ELFN1: variants seen among roughly 807,000 people sequenced by gnomAD.
ELFN1 encodes extracellular leucine rich repeat and fibronectin type III domain containing 1, also known as protein ELFN1.
Under a neutral mutation model 7.6 loss-of-function variants are expected in ELFN1, and 6 were observed. The ratio of observed to expected loss-of-function variants is 0.79; its 90% confidence interval spans 0.43 to 1.56. The LOEUF (loss-of-function observed/expected upper bound fraction) is 1.56. Ranked by LOEUF, ELFN1 falls within the 40% of genes most tolerant of loss-of-function variation. The probability of loss-of-function intolerance (pLI) is 0.01; values close to 1 mark genes in which losing one functional copy is unlikely to be tolerated. For missense variants in ELFN1, 1,169 were observed against 1,232.2 expected, an observed-to-expected ratio of 0.95 and a Z score of 0.77; for synonymous variants, 657 against 588.1, an observed-to-expected ratio of 1.12 and a Z score of -1.70.
At chr7:1,686,841 C>G (rs1379703043) in intron 1 of ELFN1, among the ~76,000 whole-genome samples, 1 of 152,160 alleles carries the variant, frequency 6.6e-6, no homozygotes, top group Non-Finnish European at 1.5e-5. Context: ...TATCAGGTAT[C>G]TCTATGACTG....
Position 1,739,359 on chromosome 7 carries a change from G to A in ELFN1, c.-293-4945G>A, listed in dbSNP as rs1254848094. The A allele has an allele frequency of 6.6e-6, 1 of 152,498 alleles. No individual in the cohort carries two copies. The highest frequency in any genetic ancestry group is 6.5e-5 in the Admixed American group (1 of 15,274). 9.4% of individuals were successfully genotyped at this position (152,498 alleles called of 1,614,324 possible). A position where few individuals can be genotyped will look rare whatever the true frequency, so the allele number is the denominator to read the frequency against. The stretch of plus-strand genomic sequence containing the variant: ...TGCTGCTGGAGTTGGACCAGGTGTG[G>A]GGGGAGGAAAGAGAGGAGTCCAGAA... On this transcript the variant is annotated intron_variant, in intron 3 of 3. Transcript: ENST00000424383. This position sits in a 1 kb window ranked among gnomAD's most constrained non-coding sequence, Gnocchi z 4.6.
rs561752726 is a variant in ELFN1 at position 1,674,420 on chromosome 7, C to T, written c.-549+4066C>T. On this transcript the variant is annotated intron_variant, in intron 1 of 3. Coordinates refer to ENST00000424383, the MANE Select transcript of ELFN1 (RefSeq NM_001128636.4). The stretch of plus-strand genomic sequence containing the variant: ...CCAGCAGTTAGTTCCTCAGGACTCA[C>T]GGCTTCCAGGCTCCCCTCGCCTGTG... Among the ~76,000 whole-genome samples, 11 of 152,314 alleles carry T rather than the reference C, an allele frequency of 7.2e-5. No homozygotes were observed. In the East Asian group the frequency reaches 1.5e-3, roughly 21 times the overall value.
upstream of ELFN1, among the ~76,000 whole-genome samples, chr7:1,670,081 C>G (rs2128571993): frequency 6.6e-6 from 1 of 150,492 alleles, no homozygotes; most frequent in Admixed American, 6.6e-5. This position sits in a 1 kb window ranked among gnomAD's most constrained non-coding sequence, Gnocchi z 6.4. Flanking sequence ...AGGCTCCGAG[C>G]CGGACTCGCG....
chr7:1,696,397 T>C (rs1030054691), intron 2 of ELFN1, among the ~76,000 whole-genome samples: 9 of 150,034 alleles, frequency 6.0e-5, no homozygotes, highest in East Asian at 1.9e-4. Flanking sequence ...TCTTTCTTTT[T>C]TTTTTTTTTT....
rs113308645 is a variant in ELFN1 at position 1,671,170 on chromosome 7, G to GCCCCCC, written c.-549+822_-549+827dup. Among the ~76,000 whole-genome samples, 4 of 138,258 alleles carry GCCCCCC rather than the reference G, an allele frequency of 2.9e-5. 1 individual carries two copies. Among genetic ancestry groups the GCCCCCC allele is most frequent in the East Asian group, 3.1e-4 (1 of 3,222 alleles). The allele number at this position is 138,258 out of a possible 152,430, so 90.7% of individuals were successfully genotyped here. A position where few individuals can be genotyped will look rare whatever the true frequency, so the allele number is the denominator to read the frequency against. ...GGCACTGCCTGCCGTACCGCACACCGCCCCCCCCCCCATAAAAACGACACC... is the reference window on the plus strand; with the variant it reads ...GGCACTGCCTGCCGTACCGCACACCGCCCCCCCCCCCCCCCCCATAAAAACGACACC... On this transcript the variant is annotated intron_variant, in intron 1 of 3. Coordinates refer to ENST00000424383, the MANE Select transcript of ELFN1 (RefSeq NM_001128636.4).
chr7:1,744,893 C>A lies in ELFN1; in HGVS notation c.297C>A (p.Ile99=). The change falls in exon 4 of 4, where the codon ATC becomes ATA. Residue 99 remains isoleucine (I), a synonymous_variant. Transcript: ENST00000424383. ...TCACCAAGAACGAGATCGGCTACAT[C>A]GAGGACGGCGCCTTCTCGGGCCAGT... ...LNLTKNEIGY[I]EDGAFSGQFN... is the part of the protein sequence containing the mutation. The A allele has an allele frequency of 6.4e-7, 1 of 1,559,432 alleles. No homozygotes were observed. Among genetic ancestry groups the A allele is most frequent in the South Asian group, 1.2e-5 (1 of 84,564 alleles).
chr7:1,717,381 A>AG (rs1380705750), intron 3 of ELFN1, among the ~76,000 whole-genome samples: 4 of 152,184 alleles, frequency 2.6e-5, no homozygotes, highest in African/African-American at 9.7e-5. Flanking sequence ...TGAGCACCTC[A>AG]GTGGGCCGCA....
chr7:1,683,936 C>T (rs1192596450), intron 1 of ELFN1, among the ~76,000 whole-genome samples: 4 of 152,082 alleles, frequency 2.6e-5, no homozygotes, highest in Non-Finnish European at 5.9e-5. Context: ...ATTGCTTGTG[C>T]CCAGGAGTTT....
chr7:1,695,747 CAAAA>C lies in ELFN1; in HGVS notation c.-456+7619_-456+7622del, dbSNP rs34132549. 1.7e-5 allele frequency among the ~76,000 whole-genome samples: 1 copy of C among 59,208 alleles called. No homozygotes were observed. Among genetic ancestry groups the C allele is most frequent in the African/African-American group, 6.7e-5 (1 of 15,026 alleles). The allele number at this position is 59,208 out of a possible 152,430, so 38.8% of individuals were successfully genotyped here. A position where few individuals can be genotyped will look rare whatever the true frequency, so the allele number is the denominator to read the frequency against. On this transcript the variant is annotated intron_variant, in intron 2 of 3. Coordinates refer to ENST00000424383, the MANE Select transcript of ELFN1 (RefSeq NM_001128636.4). This position sits in a 1 kb window ranked among gnomAD's most constrained non-coding sequence, Gnocchi z 5.1. ...TGGGTGACAGAGCGAGACTCCGTGT[CAAAA>C]AAAAAAAAAAAAAAAAAAAAACCGT...
chr7:1,711,575 T>TGAGGA (rs1779652833), intron 3 of ELFN1, among the ~76,000 whole-genome samples: 1 of 87,544 alleles, frequency 1.1e-5, no homozygotes, highest in Admixed American at 1.3e-4. Flanking sequence ...AGCGAGAGAG[T>TGAGGA]GAGAGAGAGA....
At chr7:1,708,112 C>A (rs1779575451) in intron 2 of ELFN1, among the ~76,000 whole-genome samples, 1 of 152,210 alleles carries the variant, frequency 6.6e-6, no homozygotes, top group Admixed American at 6.5e-5. Flanking sequence ...ACCAGCACCC[C>A]ACAGCACTTC....
chr7:1,726,306 C>G (rs543374938), intron 3 of ELFN1, among the ~76,000 whole-genome samples: 1 of 152,362 alleles, frequency 6.6e-6, no homozygotes, highest in South Asian at 2.1e-4. Context: ...CGCAGCCCTG[C>G]CTGCACCGTG....
At chr7:1,708,404 C>G (rs1779582175) in intron 2 of ELFN1, among the ~76,000 whole-genome samples, 1 of 152,216 alleles carries the variant, frequency 6.6e-6, no homozygotes, top group Non-Finnish European at 1.5e-5. Context: ...AGTTCACTGA[C>G]CAGCCCAAGG....
At chr7:1,700,150 G>C (rs1779395783) in intron 2 of ELFN1, among the ~76,000 whole-genome samples, 1 of 152,190 alleles carries the variant, frequency 6.6e-6, no homozygotes, top group African/African-American at 2.4e-5. Context: ...TGGGTGAAAG[G>C]CCCGACATCC....
At chr7:1,688,590 C>A (rs559445468) in intron 2 of ELFN1, among the ~76,000 whole-genome samples, 1 of 152,190 alleles carries the variant, frequency 6.6e-6, no homozygotes, top group Non-Finnish European at 1.5e-5. Context: ...AAAATACCAT[C>A]CATTTTCAAT....
rs529325078 is a variant in ELFN1, at chr7:1,670,532, G to A, written c.-549+178G>A. Among the ~76,000 whole-genome samples the A allele has an allele frequency of 3.9e-5, 6 of 152,030 alleles. No individual in the cohort carries two copies. The South Asian group carries it at 1.2e-3, about 32-fold the overall frequency. ...CTGGCGCGCGATCCGAGCGCAGCGG[G>A]CAAAGTTGGAGGAACTTGGCGGCGG... On this transcript the variant is annotated intron_variant, in intron 1 of 3. Transcript: ENST00000424383. The surrounding 1 kb of genome is among the most constrained non-coding windows in gnomAD (Gnocchi z 6.4).
chr7:1,707,931 G>A (rs1290997501), intron 2 of ELFN1, among the ~76,000 whole-genome samples: 14 of 152,180 alleles, frequency 9.2e-5, no homozygotes. Flanking sequence ...CAGACCGGGG[G>A]GCCCCTCCTG....
intron 2 of ELFN1, among the ~76,000 whole-genome samples, chr7:1,698,180 A>G (rs115501628): frequency 0.031 from 4,767 of 152,320 alleles, 228 homozygotes; most frequent in African/African-American, 0.11. Context: ...ATTAGATTCC[A>G]AGGGAACCTC....
intron 3 of ELFN1, among the ~76,000 whole-genome samples, chr7:1,719,432 T>G (rs1296670252): frequency 2.0e-5 from 3 of 152,082 alleles, no homozygotes; most frequent in Non-Finnish European, 4.4e-5. Flanking sequence ...GGACCGGCTC[T>G]GGGCTAGGCA....
Sources: gnomAD v4.1 joint callset for allele counts (sites outside exome capture counted in the v4.1 genomes callset) on GRCh38, gnomAD v4.1.1 for gene constraint, Gnocchi (gnomAD v3.1) non-coding constraint, MANE v1.5 for transcripts, NCBI Gene and HGNC (gene_info 2026-07-23, HGNC 2026-07-21) for gene names.